Variants in ME3 observed in about 807,000 individuals in gnomAD.
ME3 encodes malic enzyme 3, also known as NADP-dependent malic enzyme, mitochondrial.
In ME3, 48 loss-of-function variants were observed where a neutral mutation model predicts 68.9. The ratio of observed to expected loss-of-function variants is 0.70; its 90% CI spans 0.55 to 0.89. The LOEUF is 0.89. Ranked by LOEUF, ME3 falls within the 40% of genes least tolerant of loss-of-function variation. The probability of loss-of-function intolerance (pLI) is 0.00; values close to 1 mark genes in which losing one functional copy is unlikely to be tolerated. For missense variants in ME3, 675 were observed against 797.4 expected (o/e 0.85, Z 1.85); for synonymous variants, 320 against 318.8 (o/e 1.00, Z -0.04).
intron 7 of ME3, among the ~76,000 whole-genome samples, chr11:86,485,100 A>G (rs1222255968): frequency 6.6e-6 from 1 of 152,198 alleles, no homozygotes; most frequent in Non-Finnish European, 1.5e-5. Flanking sequence ...GCAATGTGAG[A>G]CAGCCCTGAT....
intron 11 of ME3, 24 bp from the exon 12 acceptor site, chr11:86,447,231 G>T: frequency 2.5e-6 from 4 of 1,611,936 alleles, no homozygotes; most frequent in Non-Finnish European, 3.4e-6. Flanking sequence ...GCGGGTAGTG[G>T]GGATGCCTGC....
In ME3 at chr11:86,552,600, G is replaced by A. The variant is rs188275505; in HGVS notation, c.467+3953C>T. Among the ~76,000 whole-genome samples the A allele has an allele frequency of 1.8e-4, 27 of 152,044 alleles. No homozygotes were observed. In the East Asian group the frequency reaches 1.9e-3, roughly 11 times the overall value. ...TCCTCCTAGTAATTATCCAAGCACC[G>A]CCCCCCATGCTGTTCCTGGGTTATA... On this transcript the variant is annotated intron_variant, in intron 4 of 14. Transcript: ENST00000543262.
At chr11:86,656,868 AG>A (rs1354061105) in intron 2 of ME3, among the ~76,000 whole-genome samples, 1 of 151,824 alleles carries the variant, frequency 6.6e-6, no homozygotes, top group Non-Finnish European at 1.5e-5. Flanking sequence ...AAAAAAAAAA[AG>A]CTCATGATCA....
intron 5 of ME3, among the ~76,000 whole-genome samples, chr11:86,506,269 G>A (rs1295421423): frequency 1.3e-5 from 2 of 152,166 alleles, no homozygotes; most frequent in Non-Finnish European, 2.9e-5. Flanking sequence ...CACAGCGGTT[G>A]TGGTCTTCAT....
intron 2 of ME3, among the ~76,000 whole-genome samples, chr11:86,605,075 A>T (rs1961421789): frequency 6.6e-6 from 1 of 152,172 alleles, no homozygotes. Context: ...TATTCTGGAT[A>T]TTTCATACAA....
At chr11:86,661,843 TATTGTATTGTATTGTATTGTATTG>T in intron 2 of ME3, among the ~76,000 whole-genome samples, 1 of 30,676 alleles carries the variant, frequency 3.3e-5, no homozygotes, top group Non-Finnish European at 7.3e-5. Flanking sequence ...TATTGTATTG[TATTGTATTGTATTGTATTGTATTG>T]TATTGTATTG....
chr11:86,495,165 G>A (rs1952243525), intron 6 of ME3, among the ~76,000 whole-genome samples: 1 of 152,182 alleles, frequency 6.6e-6, no homozygotes, highest in Non-Finnish European at 1.5e-5. Flanking sequence ...GCTTCTAGCA[G>A]ATCTTCTTGG....
chr11:86,556,640 G>A (rs1254517677), exon 4 of ME3: 5 of 1,614,004 alleles, frequency 3.1e-6, no homozygotes, highest in Non-Finnish European at 4.2e-6. Flanking sequence ...CTCCACGTCC[G>A]AAGTCAGCAC....
At chr11:86,658,008 C>T (rs1190692440) in intron 2 of ME3, among the ~76,000 whole-genome samples, 1 of 152,092 alleles carries the variant, frequency 6.6e-6, no homozygotes, top group Non-Finnish European at 1.5e-5. Flanking sequence ...TGGCAACCCT[C>T]AGCATCTTAG....
At chr11:86,550,648 T>C (rs560456371) in intron 4 of ME3, among the ~76,000 whole-genome samples, 7 of 152,256 alleles carry the variant, frequency 4.6e-5, no homozygotes, top group Non-Finnish European at 7.4e-5. Context: ...TGCCCTGAGA[T>C]TGGGCAGAAG....
At chr11:86,531,978 A>T (rs961116582) in intron 4 of ME3, among the ~76,000 whole-genome samples, 8 of 100,494 alleles carry the variant, frequency 8.0e-5, no homozygotes, top group African/African-American at 1.5e-4. Context: ...AAGTATAATT[A>T]AAAAAAACCA....
chr11:86,533,650 T>G (rs758703998), intron 4 of ME3, among the ~76,000 whole-genome samples: 10 of 152,158 alleles, frequency 6.6e-5, no homozygotes, highest in Non-Finnish European at 1.5e-4. Context: ...AGGCCAGCAT[T>G]ACTTTGATAC....
chr11:86,491,688 C>T (rs1952020107), intron 6 of ME3, among the ~76,000 whole-genome samples: 1 of 152,224 alleles, frequency 6.6e-6, no homozygotes, highest in Admixed American at 6.5e-5. Flanking sequence ...CCCCTCCTTG[C>T]AGTCCTCCTC....
intron 2 of ME3, among the ~76,000 whole-genome samples, chr11:86,620,983 C>G (rs947482281): frequency 6.6e-6 from 1 of 152,142 alleles, no homozygotes; most frequent in African/African-American, 2.4e-5. Flanking sequence ...TAATACAATA[C>G]AGCCCAGGTT....
At chr11:86,621,287 G>A (rs1565226649) in intron 2 of ME3, among the ~76,000 whole-genome samples, 1 of 152,178 alleles carries the variant, frequency 6.6e-6, no homozygotes, top group South Asian at 2.1e-4. Context: ...CAGGCCTAAG[G>A]CCAGTAAGAA....
intron 4 of ME3, among the ~76,000 whole-genome samples, chr11:86,529,518 T>G (rs993675625): frequency 6.6e-6 from 1 of 152,136 alleles, no homozygotes; most frequent in African/African-American, 2.4e-5. Context: ...GAGGCCAGCA[T>G]CATCCTGATA....
At chr11:86,521,431 A>ATAATAAT (rs1555221577) in intron 4 of ME3, among the ~76,000 whole-genome samples, 3 of 145,924 alleles carry the variant, frequency 2.1e-5, no homozygotes, top group Admixed American at 2.0e-4. Flanking sequence ...AACAAAACAA[A>ATAATAAT]AATAATAATA....
intron 2 of ME3, among the ~76,000 whole-genome samples, chr11:86,653,178 C>T (rs1278586204): frequency 6.6e-6 from 1 of 152,268 alleles, no homozygotes; most frequent in Non-Finnish European, 1.5e-5. Context: ...CAACATTAGA[C>T]AGATGAACGA....
At chr11:86,530,291 G>T (rs188856485) in intron 4 of ME3, among the ~76,000 whole-genome samples, 8,068 of 152,162 alleles carry the variant, frequency 0.053, 292 homozygotes, top group Non-Finnish European at 0.081. Flanking sequence ...CAACTTACAA[G>T]GGACATGAAG....
Sources: gnomAD v4.1 joint callset for allele counts (sites outside exome capture counted in the v4.1 genomes callset) on GRCh38, gnomAD v4.1.1 for gene constraint, MANE v1.5 for transcripts, NCBI Gene and HGNC (gene_info 2026-07-23, HGNC 2026-07-21) for gene names.